MAD1L1: variants seen among roughly 807,000 people sequenced by gnomAD.
The protein encoded by MAD1L1 is mitotic spindle assembly checkpoint protein MAD1.
A neutral mutation model predicts 96.9 loss-of-function variants in MAD1L1; 95 were observed. That is an observed-to-expected ratio of 0.98 (90% CI 0.83 to 1.16). The LOEUF is 1.16. MAD1L1 is among the 50% of genes most tolerant of loss of function. MAD1L1 has a pLI of 0.00. For missense variants in MAD1L1, 1,007 were observed against 954.4 expected, an observed-to-expected ratio of 1.06 and a Z score of -0.73; for synonymous variants, 473 against 396.6, an observed-to-expected ratio of 1.19 and a Z score of -2.29.
At chr7:2,011,188 C>T (rs1242077129) in intron 13 of MAD1L1, among the ~76,000 whole-genome samples, 1 of 151,982 alleles carries the variant, frequency 6.6e-6, no homozygotes, top group Admixed American at 6.5e-5. Context: ...AAACCAACAG[C>T]CAGAGACACG....
chr7:2,202,112 A>C (rs1209449422), intron 10 of MAD1L1: 1 of 152,690 alleles, frequency 6.5e-6, no homozygotes, highest in Non-Finnish European at 1.5e-5. Context: ...CAAGGCACAG[A>C]GACGCCCTCG....
chr7:1,836,030 TTC>T (rs1305471796), intron 18 of MAD1L1, among the ~76,000 whole-genome samples: 1 of 152,116 alleles, frequency 6.6e-6, no homozygotes, highest in Non-Finnish European at 1.5e-5. Context: ...ACTTTCTTTT[TTC>T]TTTTTTTAAG....
intron 11 of MAD1L1, among the ~76,000 whole-genome samples, chr7:2,076,775 G>A (rs530156378): frequency 1.3e-5 from 2 of 151,022 alleles, no homozygotes; most frequent in Admixed American, 6.6e-5. Context: ...AGACGGTTAC[G>A]ACATGGTGAG....
chr7:1,969,090 A>T (rs73292439), intron 15 of MAD1L1, among the ~76,000 whole-genome samples: 5,308 of 152,292 alleles, frequency 0.035, 206 homozygotes, highest in East Asian at 0.086. Flanking sequence ...TCTTTTCAAA[A>T]AATCGACTGT....
At chr7:1,954,639 C>T (rs1357974037) in intron 16 of MAD1L1, among the ~76,000 whole-genome samples, 2 of 152,182 alleles carry the variant, frequency 1.3e-5, no homozygotes, top group African/African-American at 4.8e-5. Flanking sequence ...TCCACGGGGT[C>T]CGCCCGATTT....
chr7:2,040,979 G>C (rs1783648155), intron 12 of MAD1L1, among the ~76,000 whole-genome samples: 1 of 152,212 alleles, frequency 6.6e-6, no homozygotes, highest in Non-Finnish European at 1.5e-5. Flanking sequence ...ACAATCACGT[G>C]TGTCTCTCAC....
chr7:1,894,883 G>A (rs1267714268), intron 18 of MAD1L1, among the ~76,000 whole-genome samples: 1 of 152,230 alleles, frequency 6.6e-6, no homozygotes, highest in Middle Eastern at 3.4e-3. Flanking sequence ...AATGGAGCAA[G>A]AAGCATCTTT....
At chr7:1,903,259 G>A (rs925832011) in intron 17 of MAD1L1, among the ~76,000 whole-genome samples, 13 of 147,732 alleles carry the variant, frequency 8.8e-5, no homozygotes, top group African/African-American at 2.0e-4. Context: ...AGTGGCCTAC[G>A]GAAGACACTC....
intron 17 of MAD1L1, among the ~76,000 whole-genome samples, chr7:1,904,533 A>G (rs1787497448): frequency 7.6e-6 from 1 of 131,096 alleles, no homozygotes; most frequent in African/African-American, 3.5e-5. Flanking sequence ...ATGATTGATC[A>G]AGCACTGTTC....
At chr7:2,014,887 A>G (rs368537244) in intron 12 of MAD1L1, among the ~76,000 whole-genome samples, 2 of 152,244 alleles carry the variant, frequency 1.3e-5, no homozygotes, top group Admixed American at 6.5e-5. Context: ...TGACCACGTC[A>G]GGCCTTCACT....
chr7:1,929,718 G>GTCCCGTCCCCTACTGCCACAT, intron 17 of MAD1L1, among the ~76,000 whole-genome samples: 1 of 97,688 alleles, frequency 1.0e-5, no homozygotes, highest in Middle Eastern at 6.0e-3. Context: ...ACGTCCCCTC[G>GTCCCGTCCCCTACTGCCACAT]CCCATCCCCC....
At chr7:2,225,997 C>T (rs1186577400) in intron 3 of MAD1L1, among the ~76,000 whole-genome samples, 1 of 152,202 alleles carries the variant, frequency 6.6e-6, no homozygotes, top group African/African-American at 2.4e-5. Flanking sequence ...CAGCCATCAA[C>T]TCCTAGGTGC....
intron 18 of MAD1L1, among the ~76,000 whole-genome samples, chr7:1,842,570 G>A (rs977273211): frequency 1.3e-5 from 2 of 152,276 alleles, no homozygotes; most frequent in Non-Finnish European, 2.9e-5. Context: ...CAGGCGAGCT[G>A]AGTAACTGCA....
rs1213818041 is a variant in MAD1L1 at position 2,079,291 on chromosome 7, CA to C, written c.1074-9954del. On this transcript the variant is annotated intron_variant, in intron 11 of 18. Transcript: ENST00000265854. ...AGGACATCAGGCTCAGCGTGGCACG[CA>C]GCTGTTGTTATTTACTCTATCTAAT... 3.3e-5 allele frequency among the ~76,000 whole-genome samples: 5 copies of C among 152,316 alleles called. No homozygotes were observed. The East Asian group carries it at 9.7e-4, about 29-fold the overall frequency.
At chr7:1,946,307 T>A (rs1446362570) in intron 16 of MAD1L1, among the ~76,000 whole-genome samples, 1 of 152,102 alleles carries the variant, frequency 6.6e-6, no homozygotes, top group Non-Finnish European at 1.5e-5. Context: ...CCCACCCACC[T>A]AGGGCGCTGA....
intron 11 of MAD1L1, among the ~76,000 whole-genome samples, chr7:2,079,048 C>T (rs1014552590): frequency 2.4e-4 from 36 of 152,170 alleles, no homozygotes; most frequent in African/African-American, 8.4e-4. Flanking sequence ...GGGGCTTGGC[C>T]GAGCCAGCGG....
intron 7 of MAD1L1, among the ~76,000 whole-genome samples, chr7:2,217,268 C>T (rs897003636): frequency 5.9e-5 from 9 of 152,206 alleles, no homozygotes; most frequent in African/African-American, 1.9e-4. Context: ...TATGAAACCA[C>T]GACCAAACCA....
At chr7:1,878,777 C>T (rs1209033004) in intron 18 of MAD1L1, among the ~76,000 whole-genome samples, 1 of 146,046 alleles carries the variant, frequency 6.8e-6, no homozygotes, top group East Asian at 2.1e-4. Flanking sequence ...AATTCCTAGC[C>T]AGTACTGAAG....
At chr7:2,002,207 C>T in intron 13 of MAD1L1, 86 bp from the exon 14 acceptor site, 2 of 1,310,080 alleles carry the variant, frequency 1.5e-6, no homozygotes, top group Non-Finnish European at 2.2e-6. Flanking sequence ...CCCCACCACC[C>T]CGCAGCCTCC....
Sources: allele counts gnomAD v4.1 joint callset (sites outside exome capture counted in the v4.1 genomes callset), GRCh38; gene constraint gnomAD v4.1.1; transcripts MANE v1.5; gene names NCBI Gene and HGNC (gene_info 2026-07-23, HGNC 2026-07-21).